Variants in DDX25 observed in about 807,000 individuals in gnomAD.
DDX25 encodes ATP-dependent RNA helicase DDX25.
A neutral mutation model predicts 64.6 loss-of-function variants in DDX25; 70 were observed. That is an observed-to-expected ratio of 1.08 (90% confidence interval 0.89 to 1.32). The LOEUF (loss-of-function observed/expected upper bound fraction) is 1.32. Among genes scored for constraint, DDX25 ranks in the 40% most tolerant of loss-of-function variants. The probability of loss-of-function intolerance (pLI) is 0.00; values close to 1 mark genes in which losing one functional copy is unlikely to be tolerated. For synonymous variants in DDX25, 211 were observed against 213.3 expected (o/e 0.99, Z 0.09); for missense variants, 587 against 604.4 (o/e 0.97, Z 0.30).
chr11:125,914,951 T>C (rs472535), intron 8 of DDX25, among the ~76,000 whole-genome samples: 104,789 of 152,002 alleles, frequency 0.69, 36,282 homozygotes, highest in Admixed American at 0.73. Context: ...CCATGTTGGC[T>C]AGTTTGTTTA....
rs761500788 is a variant in DDX25 at position 125,918,661 on chromosome 11, A to G, written c.1072A>G (p.Met358Val). Residue 358 changes from methionine to valine, a missense_variant, in exon 10 of 12, where the codon ATG (methionine) becomes GTG (valine). Met to Val is a conservative substitution (Grantham distance 21). Coordinates refer to ENST00000263576, the MANE Select transcript of DDX25 (RefSeq NM_013264.5). ...RRNAKWLTVE[M>V]IQDGHQVSLL... ...AAACGCTAAGTGGTTGACCGTGGAGATGATACAGGATGGCCACCAGGTGTC... is the reference window on the plus strand; with the variant it reads ...AAACGCTAAGTGGTTGACCGTGGAGGTGATACAGGATGGCCACCAGGTGTC... The G allele has an allele frequency of 1.9e-6, 3 of 1,613,626 alleles. No individual in the cohort carries two copies. The highest frequency in any genetic ancestry group is 3.3e-5 in the Admixed American group (2 of 59,988).
At chr11:125,903,342 T>C (rs1005621072), upstream of DDX25, 53 of 560,736 alleles carry the variant, frequency 9.5e-5, no homozygotes, top group African/African-American at 1.1e-3. Context: ...CAGCTACCGT[T>C]TCTCCGCCCA....
rs755494354 is a variant in DDX25, at chr11:125,925,558, G to A, written c.*2677G>A. ...TGCCTGAGGACAGAGTAGATAGAGAGGCAAGGAAACACCAGGTGATTTCAG... is the reference window on the plus strand; with the variant it reads ...TGCCTGAGGACAGAGTAGATAGAGAAGCAAGGAAACACCAGGTGATTTCAG... On this transcript the variant is annotated 3_prime_UTR_variant, in exon 12 of 12. Coordinates refer to ENST00000263576, the MANE Select transcript of DDX25 (RefSeq NM_013264.5). The A allele has an allele frequency of 5.8e-5, 25 of 427,712 alleles. No homozygotes were observed. Among genetic ancestry groups the A allele is most frequent in the Non-Finnish European group, 1.2e-4 (24 of 206,528 alleles). The allele number at this position is 427,712 out of a possible 1,614,324, so 26.5% of individuals were successfully genotyped here.
At chr11:125,922,771 C>A in intron 11 of DDX25, 49 bp from the exon 12 acceptor site, 1 of 1,510,828 alleles carries the variant, frequency 6.6e-7, no homozygotes. Context: ...AATGAAGTTC[C>A]ATTTAGACCC....
At chr11:125,908,975 T>C (rs190903253) in intron 6 of DDX25, among the ~76,000 whole-genome samples, 23 of 152,356 alleles carry the variant, frequency 1.5e-4, no homozygotes, top group Admixed American at 9.1e-4. Context: ...GCCATCTAAC[T>C]GCAGGACCAG....
At chr11:125,912,730 A>T (rs544173220) in intron 8 of DDX25, among the ~76,000 whole-genome samples, 2 of 151,320 alleles carry the variant, frequency 1.3e-5, no homozygotes, top group South Asian at 2.1e-4. Context: ...TCTAGAAGTA[A>T]TCATTGCTTT....
rs375989070 is a variant in DDX25 at position 125,922,851 on chromosome 11, C to A, written c.1422C>A (p.Asp474Glu). The A allele has an allele frequency of 1.2e-6, 2 of 1,609,804 alleles. No homozygotes were observed. Among genetic ancestry groups the A allele is most frequent in the Non-Finnish European group, 8.5e-7 (1 of 1,177,754 alleles). Residue 474 changes from aspartate to glutamate, a missense_variant, in exon 12 of 12, where the codon GAC becomes GAA. Asp to Glu is a conservative substitution (Grantham distance 45). Coordinates refer to ENST00000263576, the MANE Select transcript of DDX25 (RefSeq NM_013264.5). ...NSSIKQLNAE[D>E]MDEIEKIDY is the part of the protein sequence containing the mutation. Reference sequence around the variant, plus strand: ...GTATTAAGCAACTCAACGCTGAAGACATGGATGAAATTGAAAAGATTGACT... The same window carrying A: ...GTATTAAGCAACTCAACGCTGAAGAAATGGATGAAATTGAAAAGATTGACT...
chr11:125,915,304 A>G (rs1278231084), intron 8 of DDX25, among the ~76,000 whole-genome samples: 2 of 152,242 alleles, frequency 1.3e-5, no homozygotes, highest in Non-Finnish European at 2.9e-5. Flanking sequence ...TAAATTTTCT[A>G]ATAGCCACAT....
intron 10 of DDX25, among the ~76,000 whole-genome samples, chr11:125,920,741 C>A (rs1405983025): frequency 6.6e-6 from 1 of 152,062 alleles, no homozygotes; most frequent in Non-Finnish European, 1.5e-5. Context: ...ACCACTGAGG[C>A]AAGGGCTCAA....
At chr11:125,907,921 T>C (rs1944916055) in intron 4 of DDX25, among the ~76,000 whole-genome samples, 1 of 152,212 alleles carries the variant, frequency 6.6e-6, no homozygotes, top group Admixed American at 6.5e-5. Context: ...CGATGAGTTT[T>C]TCCATTTTTG....
At position 125,905,600 on chromosome 11, in the gene DDX25, A is replaced by G; in HGVS notation, c.175+3A>G. On this transcript the variant is annotated splice_donor_region_variant and intron_variant, in intron 3 of 11. Coordinates refer to ENST00000263576, the MANE Select transcript of DDX25 (RefSeq NM_013264.5). ...TGAAGATGATGAAGAAGATGTAGGT[A>G]GGAGATGAATTCATTTGCATGTATC... 6.4e-7 allele frequency: 1 copy of G among 1,551,356 alleles called. No homozygotes were observed. The highest frequency in any genetic ancestry group is 8.7e-7 in the Non-Finnish European group (1 of 1,146,560).
At position 125,921,332 on chromosome 11, in the gene DDX25, T is replaced by C. The variant is rs1264348856; in HGVS notation, c.1343T>C (p.Ile448Thr). Residue 448 changes from isoleucine to threonine, a missense_variant, in exon 11 of 12, where the codon ATT becomes ACT. Physicochemically the swap from Ile to Thr is moderately conservative, Grantham distance 89 (BLOSUM62 -1). Transcript: ENST00000263576. The surrounding 1 kb of genome is among the most constrained non-coding windows in gnomAD (Gnocchi z 4.1). ...FGKKGLAFNMIEVDELPSLMK... is the reference protein window; with the variant it reads ...FGKKGLAFNMTEVDELPSLMK... ...AAAAAAGGCCTTGCCTTCAACATGA[T>C]TGAAGTAGATGAGCTGCCCTCGCTC... 1 of 1,613,776 alleles carries C rather than the reference T, an allele frequency of 6.2e-7. No individual in the cohort carries two copies. Among genetic ancestry groups the C allele is most frequent in the Non-Finnish European group, 8.5e-7 (1 of 1,179,848 alleles).
chr11:125,908,301 G>C lies in DDX25; in HGVS notation c.404+13G>C. ...TGCTGGCACATCCGTGAGTTTCCAG[G>C]GTAGTGGTATTCTACTTGGTTATGT... On this transcript the variant is annotated intron_variant, in intron 5 of 11. Transcript: ENST00000263576. 2 of 1,613,514 alleles carry C rather than the reference G, an allele frequency of 1.2e-6. No homozygotes were observed. Among genetic ancestry groups the C allele is most frequent in the Non-Finnish European group, 1.7e-6 (2 of 1,179,732 alleles).
At chr11:125,907,098 C>G (rs1183366795) in intron 4 of DDX25, among the ~76,000 whole-genome samples, 1 of 152,074 alleles carries the variant, frequency 6.6e-6, no homozygotes, top group African/African-American at 2.4e-5. Context: ...ATAACTTTCC[C>G]AAATGGGTTT....
chr11:125,915,433 C>G (rs1263066919), intron 8 of DDX25, among the ~76,000 whole-genome samples: 1 of 152,120 alleles, frequency 6.6e-6, no homozygotes, highest in Non-Finnish European at 1.5e-5. Context: ...ATTCTTTTTT[C>G]ATACTAAGTC....
Position 125,918,771 on chromosome 11 carries a change from A to G in DDX25, c.1182A>G (p.Thr394=). 1 of 1,591,732 alleles carries G rather than the reference A, an allele frequency of 6.3e-7. No homozygotes were observed. The highest frequency in any genetic ancestry group is 2.3e-5 in the East Asian group (1 of 43,862). The change falls in exon 10 of 12, where the codon ACA becomes ACG. Residue 394 remains threonine (T), a synonymous_variant. Coordinates refer to ENST00000263576, the MANE Select transcript of DDX25 (RefSeq NM_013264.5). ...ATGGGAAAGAGAAGGTTCTCATAAC[A>G]ACTAATGTTTGTGCCCGAGGTGTGT... ...FRDGKEKVLI[T]TNVCARGIDV... is the part of the protein sequence containing the mutation.
At chr11:125,904,661 G>A in intron 1 of DDX25, 81 bp downstream of exon 1, 1 of 1,390,188 alleles carries the variant, frequency 7.2e-7, no homozygotes, top group Non-Finnish European at 9.5e-7. Flanking sequence ...GGAGGGGAGG[G>A]AGAGCCCGCG....
intron 7 of DDX25, among the ~76,000 whole-genome samples, chr11:125,910,687 A>G (rs1027715720): frequency 6.6e-6 from 1 of 152,226 alleles, no homozygotes; most frequent in South Asian, 2.1e-4. Context: ...AATGTTAGCC[A>G]CATCATTTCC....
At chr11:125,905,431 A>G (rs1209938550) in intron 2 of DDX25, 122 bp from the exon 3 acceptor site, 4 of 1,334,226 alleles carry the variant, frequency 3.0e-6, no homozygotes, top group East Asian at 2.5e-5. Flanking sequence ...CCATTCCTCC[A>G]TGAAATGACT....
Sources: allele counts gnomAD v4.1 joint callset (sites outside exome capture counted in the v4.1 genomes callset), GRCh38; gene constraint gnomAD v4.1.1; non-coding constraint Gnocchi (gnomAD v3.1); transcripts MANE v1.5; gene names NCBI Gene and HGNC (gene_info 2026-07-23, HGNC 2026-07-21).